Variants in HECW1 observed in about 807,000 individuals in gnomAD.
The protein encoded by HECW1 is HECT, C2 and WW domain containing E3 ubiquitin protein ligase 1.
Under a neutral mutation model 182.3 loss-of-function variants are expected in HECW1, and 61 were observed. The observed-to-expected ratio is 0.33, with a 90% CI of 0.27 to 0.41. The LOEUF is 0.41. HECW1 is among the 10% of genes least tolerant of loss of function. The pLI is 1.00. For missense variants in HECW1, 1,739 were observed against 2,108.9 expected (o/e 0.82, Z 3.44); for synonymous variants, 859 against 832.6 (o/e 1.03, Z -0.55).
At chr7:43,236,949 G>A (rs1054899333) in intron 2 of HECW1, among the ~76,000 whole-genome samples, 1 of 151,888 alleles carries the variant, frequency 6.6e-6, no homozygotes, top group Non-Finnish European at 1.5e-5. Context: ...GTGATTTGGG[G>A]GTCCCGAGAT....
intron 2 of HECW1, among the ~76,000 whole-genome samples, chr7:43,159,105 GTTTATTTATTTATTTATTTA>G (rs141662347): frequency 0.019 from 2,933 of 150,756 alleles, 92 homozygotes; most frequent in East Asian, 0.15. Flanking sequence ...GAATCTGACA[GTTTATTTATTTATTTATTTA>G]TTTATTTATT....
intron 21 of HECW1, among the ~76,000 whole-genome samples, chr7:43,504,499 C>A (rs2079498334): frequency 6.6e-6 from 1 of 152,200 alleles, no homozygotes; most frequent in Admixed American, 6.5e-5. Context: ...GCCCTGAACT[C>A]CCCTGGCCCT....
At chr7:43,467,422 G>A (rs1297807671) in intron 15 of HECW1, among the ~76,000 whole-genome samples, 1 of 152,148 alleles carries the variant, frequency 6.6e-6, no homozygotes, top group Non-Finnish European at 1.5e-5. Flanking sequence ...GTGAGTGTGG[G>A]TGGCTGGCAG....
At chr7:43,140,680 G>A (rs1252978100) in intron 2 of HECW1, among the ~76,000 whole-genome samples, 1 of 152,224 alleles carries the variant, frequency 6.6e-6, no homozygotes, top group African/African-American at 2.4e-5. Context: ...AGAACCCAAA[G>A]TAATGCAAAT....
intron 7 of HECW1, among the ~76,000 whole-genome samples, chr7:43,405,843 C>T (rs1476874334): frequency 6.6e-6 from 1 of 152,180 alleles, no homozygotes; most frequent in African/African-American, 2.4e-5. Flanking sequence ...TAACTTCTGT[C>T]TACACACATT....
chr7:43,404,348 T>A (rs1218346225), intron 7 of HECW1, among the ~76,000 whole-genome samples: 1 of 152,256 alleles, frequency 6.6e-6, no homozygotes, highest in South Asian at 2.1e-4. Context: ...TTTCTAAAGC[T>A]ACTAATTCTC....
At chr7:43,464,443 C>T (rs2077691451) in intron 14 of HECW1, among the ~76,000 whole-genome samples, 1 of 151,998 alleles carries the variant, frequency 6.6e-6, no homozygotes, top group Non-Finnish European at 1.5e-5. Context: ...TTTGAATTTG[C>T]CCAAGTGGGA....
chr7:43,336,648 C>T (rs1812328343), intron 5 of HECW1, among the ~76,000 whole-genome samples: 1 of 152,132 alleles, frequency 6.6e-6, no homozygotes, highest in South Asian at 2.1e-4. Context: ...CTACCCATCA[C>T]CCAAATATTG....
intron 11 of HECW1, among the ~76,000 whole-genome samples, chr7:43,448,626 AACT>A (rs2077138200): frequency 6.6e-6 from 1 of 152,216 alleles, no homozygotes; most frequent in Admixed American, 6.5e-5. Flanking sequence ...CAGTGAGGGT[AACT>A]GTTTATATTA....
At chr7:43,403,734 T>C (rs6945332) in intron 7 of HECW1, among the ~76,000 whole-genome samples, 25,237 of 152,024 alleles carry the variant, frequency 0.17, 2,648 homozygotes, top group Non-Finnish European at 0.24. Context: ...CAGTAATGAA[T>C]ATGCAGTATG....
At chr7:43,318,696 C>G (rs1345669618) in intron 4 of HECW1, among the ~76,000 whole-genome samples, 1 of 152,246 alleles carries the variant, frequency 6.6e-6, no homozygotes, top group Non-Finnish European at 1.5e-5. Flanking sequence ...GCTTTTTGCA[C>G]TTCATCTCTT....
intron 7 of HECW1, among the ~76,000 whole-genome samples, chr7:43,407,337 C>T (rs139143868): frequency 2.6e-5 from 4 of 152,182 alleles, no homozygotes; most frequent in East Asian, 1.9e-4. Flanking sequence ...AGGAATTTTA[C>T]ACCCGGACCC....
intron 4 of HECW1, among the ~76,000 whole-genome samples, chr7:43,312,454 G>A (rs1055300883): frequency 6.6e-6 from 1 of 152,236 alleles, no homozygotes; most frequent in African/African-American, 2.4e-5. Context: ...ACCAATGTAT[G>A]TAGAGGTAAT....
intron 2 of HECW1, among the ~76,000 whole-genome samples, chr7:43,180,831 A>C (rs1376108717): frequency 1.3e-5 from 2 of 152,208 alleles, no homozygotes; most frequent in Non-Finnish European, 2.9e-5. Context: ...AACATATATA[A>C]TTTCTTTGTA....
intron 24 of HECW1, chr7:43,523,043 C>T: frequency 2.2e-6 from 1 of 446,640 alleles, no homozygotes; most frequent in Non-Finnish European, 4.5e-6. Context: ...CGCTCTTGTC[C>T]CCCAGGCTAG....
chr7:43,199,753 C>G lies in HECW1; in HGVS notation c.-31-44122C>G, dbSNP rs533812973. ...ATAGAATTTTATCCAAAATGTATCT[C>G]TTACTGAGTAGGAAGGGGCTTTTAT... On this transcript the variant is annotated intron_variant, in intron 2 of 29. Transcript: ENST00000395891. Among the ~76,000 whole-genome samples, 16 of 152,230 alleles carry G rather than the reference C, an allele frequency of 1.1e-4. No homozygotes were observed. The South Asian group carries it at 2.7e-3, about 26-fold the overall frequency.
chr7:43,337,577 C>T (rs1462898599), intron 5 of HECW1, among the ~76,000 whole-genome samples: 6 of 152,222 alleles, frequency 3.9e-5, no homozygotes, highest in African/African-American at 1.4e-4. Flanking sequence ...CACTATTTCC[C>T]AGGTGTTACA....
At chr7:43,450,279 G>T (rs1001723634) in intron 11 of HECW1, among the ~76,000 whole-genome samples, 2 of 151,984 alleles carry the variant, frequency 1.3e-5, no homozygotes, top group African/African-American at 4.8e-5. Context: ...CCTACTACAG[G>T]AATTTACTTT....
chr7:43,244,055 A>C, intron 3 of HECW1, 123 bp downstream of exon 3: 41 of 798,826 alleles, frequency 5.1e-5, no homozygotes, highest in Non-Finnish European at 6.5e-5. Flanking sequence ...GAATTATCTC[A>C]AGTGTGGCTG....
Sources: gnomAD v4.1 joint callset for allele counts (sites outside exome capture counted in the v4.1 genomes callset) on GRCh38, gnomAD v4.1.1 for gene constraint, MANE v1.5 for transcripts, NCBI Gene and HGNC (gene_info 2026-07-23, HGNC 2026-07-21) for gene names.